MED13L: variants seen among roughly 807,000 people sequenced by gnomAD.
MED13L encodes the protein mediator of RNA polymerase II transcription subunit 13-like.
MED13L carries 7 observed loss-of-function variants against 220.9 expected under a neutral mutation model. The observed-to-expected ratio is 0.03, with a 90% CI of 0.02 to 0.06. The LOEUF is 0.06. MED13L is among the 10% of genes least tolerant of loss of function. The pLI is 1.00. For synonymous variants in MED13L, 1,011 were observed against 1,015.2 expected (o/e 1.00, Z 0.08); for missense variants, 1,965 against 2,760.5 (o/e 0.71, Z 6.46).
At chr12:115,996,444 T>TG in intron 16 of MED13L, 32 bp downstream of exon 16, 1 of 1,591,444 alleles carries the variant, frequency 6.3e-7, no homozygotes, top group South Asian at 1.1e-5. Flanking sequence ...GCATCAAATA[T>TG]GGCAAGTAAA....
intron 2 of MED13L, among the ~76,000 whole-genome samples, chr12:116,124,278 T>C (rs564247332): frequency 6.6e-6 from 1 of 152,258 alleles, no homozygotes; most frequent in African/African-American, 2.4e-5. Flanking sequence ...GATGGGTACC[T>C]TGGCTTTTAT....
At position 116,019,876 on chromosome 12, in the gene MED13L, T is replaced by C. The variant is rs564830776; in HGVS notation, c.722A>G (p.Tyr241Cys). ...ATRKLIEEWQ[Y>C]FYPMVLKKKE... ...CTTTTTTAGCACCATCGGGTAGAAA[T>C]ACTGCCATTCCTCAATCAACTTACG... Residue 241 changes from tyrosine to cysteine, a missense_variant, in exon 6 of 31, where the codon TAT becomes TGT. Physicochemically the swap from Tyr to Cys is radical, Grantham distance 194 (BLOSUM62 -2). Around this residue, in one of 10 missense-constraint regions of MED13L, gnomAD observed 818 missense variants for 1,041.2 expected, o/e 0.79. Coordinates refer to ENST00000281928, the MANE Select transcript of MED13L (RefSeq NM_015335.5). 3.7e-6 allele frequency: 6 copies of C among 1,613,984 alleles called. No homozygotes were observed. The highest frequency in any genetic ancestry group is 5.1e-6 in the Non-Finnish European group (6 of 1,179,946).
In MED13L at chr12:116,005,977, A is replaced by G; in HGVS notation, c.2361T>C (p.Asn787=). The G allele has an allele frequency of 6.2e-7, 1 of 1,613,950 alleles. No individual in the cohort carries two copies. The highest frequency in any genetic ancestry group is 1.1e-5 in the South Asian group (1 of 91,080). Residue 787 remains asparagine (N), a synonymous_variant, in exon 13 of 31, where the codon AAT becomes AAC. Transcript: ENST00000281928. ...TACTGGAGCCAGCTCTGCCAGCAGC[A>G]TTATCCTGCCGGACATCTGTAGGAA... ...SATKTDVRQD[N]AAGRAGSSSL...
chr12:116,089,017 A>C (rs1169059567), intron 4 of MED13L, among the ~76,000 whole-genome samples: 1 of 152,206 alleles, frequency 6.6e-6, no homozygotes, highest in Non-Finnish European at 1.5e-5. Flanking sequence ...TATTGTAAGC[A>C]GCTTAAGGAC....
intron 4 of MED13L, among the ~76,000 whole-genome samples, chr12:116,076,516 G>A (rs756153993): frequency 7.9e-5 from 12 of 152,134 alleles, no homozygotes; most frequent in Admixed American, 4.6e-4. Context: ...CAGCCTGAGT[G>A]ACAGAGCAAG....
At chr12:116,070,377 A>T (rs1870274454) in intron 4 of MED13L, among the ~76,000 whole-genome samples, 1 of 152,228 alleles carries the variant, frequency 6.6e-6, no homozygotes, top group African/African-American at 2.4e-5. Context: ...TTTAATCAGC[A>T]GATACTTATG....
intron 4 of MED13L, among the ~76,000 whole-genome samples, chr12:116,023,179 C>G (rs947644168): frequency 1.4e-4 from 22 of 152,074 alleles, no homozygotes; most frequent in Non-Finnish European, 3.2e-4. Flanking sequence ...ACCTGTAGTC[C>G]TAGCTCCTGA....
chr12:116,104,712 T>G (rs935767656), intron 3 of MED13L, among the ~76,000 whole-genome samples: 2 of 152,202 alleles, frequency 1.3e-5, no homozygotes, highest in Admixed American at 1.3e-4. Flanking sequence ...AATCTTCTCT[T>G]GTATGCAAAG....
intron 2 of MED13L, among the ~76,000 whole-genome samples, chr12:116,214,690 C>T (rs1412689963): frequency 1.3e-5 from 2 of 152,100 alleles, no homozygotes; most frequent in Non-Finnish European, 2.9e-5. Flanking sequence ...GAATGACTGG[C>T]TCAAAATCAC....
At chr12:116,084,996 C>T (rs1053578722) in intron 4 of MED13L, among the ~76,000 whole-genome samples, 1 of 152,024 alleles carries the variant, frequency 6.6e-6, no homozygotes, top group Admixed American at 6.6e-5. Flanking sequence ...CTGCGATGTC[C>T]GTTTATTTTT....
intron 1 of MED13L, among the ~76,000 whole-genome samples, chr12:116,256,835 G>A (rs1352861468): frequency 1.3e-5 from 2 of 151,766 alleles, no homozygotes; most frequent in African/African-American, 2.4e-5. Context: ...ACAGACGTGC[G>A]CCACCTCGCC....
chr12:116,063,633 A>T (rs1032652205), intron 4 of MED13L, among the ~76,000 whole-genome samples: 1 of 152,226 alleles, frequency 6.6e-6, no homozygotes, highest in African/African-American at 2.4e-5. Flanking sequence ...ACTGACCTAG[A>T]TAAATGGTTA....
At chr12:116,249,454 A>G (rs959712440) in intron 1 of MED13L, among the ~76,000 whole-genome samples, 11 of 152,180 alleles carry the variant, frequency 7.2e-5, no homozygotes, top group African/African-American at 2.7e-4. Flanking sequence ...CCAGCAACCA[A>G]TAAAAAATAC....
At chr12:116,020,117 T>A in intron 5 of MED13L, 145 bp from the exon 6 acceptor site, 1 of 808,098 alleles carries the variant, frequency 1.2e-6, no homozygotes, top group Non-Finnish European at 1.9e-6. Context: ...AAGTATGATT[T>A]AAAAGAAATT....
rs757207806 is a variant in MED13L at position 116,237,625 on chromosome 12, G to C, written c.153C>G (p.Ala51=). Residue 51 remains alanine, a synonymous_variant, in exon 2 of 31, where the codon GCC becomes GCG. Coordinates refer to ENST00000281928, the MANE Select transcript of MED13L (RefSeq NM_015335.5). ...AACTTAACAGAATTGGATCATCTTG[G>C]GCTGGGGCTGAAATTATGGGTCCAC... ...GDCGPIISAP[A]QDDPILLSFI... The C allele has an allele frequency of 1.9e-6, 3 of 1,613,998 alleles. No homozygotes were observed.
intron 2 of MED13L, chr12:116,174,902 C>T (rs1879936482): frequency 6.6e-6 from 1 of 152,104 alleles, no homozygotes; most frequent in Non-Finnish European, 1.5e-5. Flanking sequence ...GGGACCTGAT[C>T]TCTATAGAAA....
rs550081569 is a variant in MED13L, at chr12:116,118,435, T to C, written c.311-6923A>G. On this transcript the variant is annotated intron_variant, in intron 2 of 30. Transcript: ENST00000281928. Reference sequence around the variant, plus strand: ...AATTTCCTATGTCTTAGATATTGCATTGAAAATTACATACTAAAGATTCAA... The same window carrying C: ...AATTTCCTATGTCTTAGATATTGCACTGAAAATTACATACTAAAGATTCAA... 1.4e-4 allele frequency among the ~76,000 whole-genome samples: 22 copies of C among 152,268 alleles called. 1 individual carries two copies. In the South Asian group the frequency reaches 4.4e-3, roughly 30 times the overall value.
At chr12:116,006,128 A>G (rs1202516373) in intron 12 of MED13L, 135 bp from the exon 13 acceptor site, 2 of 1,377,358 alleles carry the variant, frequency 1.5e-6, no homozygotes, top group Non-Finnish European at 2.0e-6. Flanking sequence ...TTTAGAGACA[A>G]TTATTTCCAA....
chr12:116,150,687 C>T (rs1877968016), intron 2 of MED13L, among the ~76,000 whole-genome samples: 1 of 152,286 alleles, frequency 6.6e-6, no homozygotes, highest in South Asian at 2.1e-4. Flanking sequence ...TTTCCTCATT[C>T]TTATTATTAT....
Sources: gnomAD v4.1 joint callset for allele counts (sites outside exome capture counted in the v4.1 genomes callset) on GRCh38, gnomAD v4.1.1 for gene constraint, gnomAD v4.1.1 regional missense constraint, MANE v1.5 for transcripts, NCBI Gene and HGNC (gene_info 2026-07-23, HGNC 2026-07-21) for gene names.